Variants in THSD7B observed in about 807,000 individuals in gnomAD.
THSD7B encodes the protein thrombospondin type 1 domain containing 7B, also known as thrombospondin type-1 domain-containing protein 7B.
Under a neutral mutation model 213.6 loss-of-function variants are expected in THSD7B, and 138 were observed. The observed-to-expected ratio is 0.65, with a 90% CI of 0.56 to 0.74. The LOEUF is 0.74. Ranked by LOEUF, THSD7B falls within the 30% of genes least tolerant of loss-of-function variation. The probability of loss-of-function intolerance (pLI) is 0.00; values close to 1 mark genes in which losing one functional copy is unlikely to be tolerated. For missense variants in THSD7B, 1,931 were observed against 1,991.5 expected (o/e 0.97, Z 0.58); for synonymous variants, 742 against 687.0 (o/e 1.08, Z -1.25).
chr2:137,514,425 G>A (rs1472141029), intron 15 of THSD7B, among the ~76,000 whole-genome samples: 2 of 152,154 alleles, frequency 1.3e-5, no homozygotes, highest in African/African-American at 4.8e-5. Flanking sequence ...TGGACTCCAA[G>A]TTCTTCAGCT....
chr2:137,074,664 C>G (rs1373318347), intron 3 of THSD7B, among the ~76,000 whole-genome samples: 1 of 152,164 alleles, frequency 6.6e-6, no homozygotes, highest in Non-Finnish European at 1.5e-5. Context: ...TTGGTTGATG[C>G]AGTTTCTTCC....
At chr2:136,855,756 G>A (rs1558827523) in intron 1 of THSD7B, among the ~76,000 whole-genome samples, 2 of 152,002 alleles carry the variant, frequency 1.3e-5, no homozygotes, top group Admixed American at 6.6e-5. Flanking sequence ...ACAGGCGTGA[G>A]CCATCACGCC....
chr2:137,406,342 T>A lies in THSD7B; in HGVS notation c.2695+535T>A, dbSNP rs546379998. ...TGAGTTCTGTTTTCAGCTGCAAAAA[T>A]TTAATGGGAATTAAAGCAACTAATT... On this transcript the variant is annotated intron_variant, in intron 13 of 27. Transcript: ENST00000409968. 7.2e-5 allele frequency among the ~76,000 whole-genome samples: 11 copies of A among 152,314 alleles called. No homozygotes were observed. The East Asian group carries it at 2.1e-3, about 29-fold the overall frequency.
chr2:137,135,434 T>TC (rs1393461279), intron 5 of THSD7B, among the ~76,000 whole-genome samples: 1 of 152,194 alleles, frequency 6.6e-6, no homozygotes, highest in African/African-American at 2.4e-5. Context: ...CCTGTGCAGC[T>TC]CAGGAGCCCT....
intron 1 of THSD7B, among the ~76,000 whole-genome samples, chr2:136,781,737 C>T (rs1289942303): frequency 3.9e-5 from 6 of 152,146 alleles, no homozygotes; most frequent in Admixed American, 2.0e-4. Context: ...CTGTCTCTCC[C>T]TCTGTCCTCC....
At chr2:136,931,135 C>A (rs1438532428) in intron 2 of THSD7B, among the ~76,000 whole-genome samples, 1 of 152,030 alleles carries the variant, frequency 6.6e-6, no homozygotes, top group Non-Finnish European at 1.5e-5. Flanking sequence ...GAGATTGAAG[C>A]CCCAAAGTGG....
chr2:137,451,437 G>A (rs952599441), intron 15 of THSD7B, among the ~76,000 whole-genome samples: 11 of 151,844 alleles, frequency 7.2e-5, no homozygotes, highest in African/African-American at 2.7e-4. Context: ...TATCCATCAA[G>A]TCCAAAAATG....
chr2:136,774,998 G>T (rs1681574202), intron 1 of THSD7B, among the ~76,000 whole-genome samples: 1 of 152,088 alleles, frequency 6.6e-6, no homozygotes, highest in African/African-American at 2.4e-5. Context: ...ACATAGAGTA[G>T]ATACACGCAA....
intron 14 of THSD7B, among the ~76,000 whole-genome samples, chr2:137,420,372 A>G (rs188752797): frequency 1.3e-3 from 198 of 152,276 alleles, no homozygotes; most frequent in African/African-American, 4.6e-3. Flanking sequence ...GATTCCTAAT[A>G]ACCTTTCTGA....
intron 12 of THSD7B, among the ~76,000 whole-genome samples, chr2:137,368,269 A>G (rs1685465367): frequency 6.6e-6 from 1 of 152,114 alleles, no homozygotes; most frequent in African/African-American, 2.4e-5. Context: ...ATTTACAAAA[A>G]AAAAATTTAT....
At chr2:137,074,590 A>T (rs979388611) in intron 3 of THSD7B, among the ~76,000 whole-genome samples, 2 of 152,054 alleles carry the variant, frequency 1.3e-5, no homozygotes, top group Non-Finnish European at 2.9e-5. Flanking sequence ...TTTACATTTA[A>T]AGTTAATATT....
At chr2:137,055,107 G>T (rs1432835341) in intron 2 of THSD7B, among the ~76,000 whole-genome samples, 1 of 152,188 alleles carries the variant, frequency 6.6e-6, no homozygotes, top group South Asian at 2.1e-4. Flanking sequence ...TGAAGGACAT[G>T]AACTCATTCT....
chr2:137,541,194 T>G (rs2105192253), intron 15 of THSD7B, among the ~76,000 whole-genome samples: 1 of 151,580 alleles, frequency 6.6e-6, no homozygotes, highest in South Asian at 2.1e-4. Context: ...CAAATAACAA[T>G]AACAAATAGC....
chr2:137,323,478 C>A (rs371076789), intron 12 of THSD7B, among the ~76,000 whole-genome samples: 1 of 152,188 alleles, frequency 6.6e-6, no homozygotes, highest in Admixed American at 6.5e-5. Context: ...ATAAGATGCT[C>A]TTTTATTTCC....
intron 25 of THSD7B, among the ~76,000 whole-genome samples, chr2:137,661,227 A>T (rs1158850842): frequency 6.6e-6 from 1 of 152,116 alleles, no homozygotes; most frequent in Admixed American, 6.5e-5. Context: ...AGGAATCTTC[A>T]TCCATCATGT....
chr2:137,611,952 A>G (rs140167757), intron 17 of THSD7B, among the ~76,000 whole-genome samples: 3 of 152,286 alleles, frequency 2.0e-5, no homozygotes, highest in Non-Finnish European at 4.4e-5. Flanking sequence ...TCTTGCATTT[A>G]ATGTATTTTC....
chr2:137,124,221 A>G (rs377413078), intron 5 of THSD7B, among the ~76,000 whole-genome samples: 2 of 152,184 alleles, frequency 1.3e-5, no homozygotes, highest in East Asian at 1.9e-4. Context: ...ATTTTTCTCA[A>G]ACACAAAGCC....
intron 15 of THSD7B, among the ~76,000 whole-genome samples, chr2:137,462,498 A>G (rs1687904667): frequency 6.6e-6 from 1 of 152,054 alleles, no homozygotes; most frequent in African/African-American, 2.4e-5. Context: ...TATTTCTATA[A>G]GCCAATACGA....
At chr2:137,377,689 C>T (rs547547075) in intron 12 of THSD7B, among the ~76,000 whole-genome samples, 61 of 151,224 alleles carry the variant, frequency 4.0e-4, no homozygotes, top group South Asian at 4.0e-3. Flanking sequence ...TATAGTGGTG[C>T]GATCCTGATT....
Sources: gnomAD v4.1 joint callset for allele counts (sites outside exome capture counted in the v4.1 genomes callset) on GRCh38, gnomAD v4.1.1 for gene constraint, MANE v1.5 for transcripts, NCBI Gene and HGNC (gene_info 2026-07-23, HGNC 2026-07-21) for gene names.